Variants in HSDL2 observed in about 807,000 individuals in gnomAD.
HSDL2 encodes hydroxysteroid dehydrogenase-like protein 2.
Under a neutral mutation model 46.3 loss-of-function variants are expected in HSDL2, and 27 were observed. That is an observed-to-expected ratio of 0.58 (90% CI 0.43 to 0.80). The LOEUF is 0.80. Among genes scored for constraint, HSDL2 ranks in the 30% least tolerant of loss-of-function variants. HSDL2 has a pLI of 0.00. For missense variants in HSDL2, 451 were observed against 502.7 expected (o/e 0.90, Z 0.98); for synonymous variants, 153 against 163.6 (o/e 0.94, Z 0.50).
At chr9:112,413,427 A>G (rs1432897500) in intron 4 of HSDL2, among the ~76,000 whole-genome samples, 2 of 152,158 alleles carry the variant, frequency 1.3e-5, no homozygotes, top group Non-Finnish European at 2.9e-5. Flanking sequence ...CGGTGAACCA[A>G]GATCACGCCA....
At chr9:112,398,251 A>G (rs533147527) in intron 1 of HSDL2, among the ~76,000 whole-genome samples, 1 of 152,088 alleles carries the variant, frequency 6.6e-6, no homozygotes, top group South Asian at 2.1e-4. Context: ...AAAGTGACCA[A>G]ATGAGGGACC....
intron 1 of HSDL2, among the ~76,000 whole-genome samples, chr9:112,395,008 CAG>C (rs1053233987): frequency 1.3e-5 from 2 of 152,124 alleles, no homozygotes; most frequent in Non-Finnish European, 2.9e-5. Context: ...ACTGGTGAGA[CAG>C]AAAGTGTAAG....
In HSDL2 at chr9:112,425,951, G is replaced by C. The variant is rs1295997938; in HGVS notation, c.598+6993G>C. 3.9e-5 allele frequency among the ~76,000 whole-genome samples: 6 copies of C among 152,160 alleles called. No individual in the cohort carries two copies. The East Asian group carries it at 1.2e-3, about 29-fold the overall frequency. On this transcript the variant is annotated intron_variant, in intron 6 of 10. Transcript: ENST00000398805. The stretch of plus-strand genomic sequence containing the variant: ...AGATGGGGTCTTGCCATGTTATTCA[G>C]GCTGGTCTCGAACTCCTGGGCTCAG...
intron 1 of HSDL2, among the ~76,000 whole-genome samples, chr9:112,402,336 C>A: frequency 6.6e-6 from 1 of 151,996 alleles, no homozygotes; most frequent in Non-Finnish European, 1.5e-5. Flanking sequence ...GTGGGAGGAT[C>A]ACATAAGGCC....
At chr9:112,417,477 T>TA (rs71491043) in intron 5 of HSDL2, among the ~76,000 whole-genome samples, 1,463 of 111,006 alleles carry the variant, frequency 0.013, 15 homozygotes, top group African/African-American at 0.039. Context: ...ACCCTGACTC[T>TA]AAAAAAAAAA....
intron 5 of HSDL2, among the ~76,000 whole-genome samples, chr9:112,417,797 T>A (rs928014973): frequency 6.2e-5 from 9 of 145,324 alleles, no homozygotes; most frequent in Non-Finnish European, 1.4e-4. Context: ...AAAAAAAAAG[T>A]CCAGGCATGG....
chr9:112,390,449 C>T (rs1424366540), intron 1 of HSDL2, among the ~76,000 whole-genome samples: 2 of 152,004 alleles, frequency 1.3e-5, no homozygotes, highest in African/African-American at 4.8e-5. Context: ...GATTAAAGAC[C>T]AAACTTATTA....
In HSDL2 at chr9:112,396,576, G is replaced by A. The variant is rs148776151; in HGVS notation, c.18-7419G>A. 8.4e-3 allele frequency among the ~76,000 whole-genome samples: 1,276 copies of A among 152,264 alleles called. 7 individuals are homozygous for A. Among genetic ancestry groups the A allele is most frequent in the Middle Eastern group, 0.034 (10 of 294 alleles). ...TGGAATGGAAACAGGAACCTTGGCAGACACCATAAGTTTATTCTCATTAGA... is the reference window on the plus strand; with the variant it reads ...TGGAATGGAAACAGGAACCTTGGCAAACACCATAAGTTTATTCTCATTAGA... On this transcript the variant is annotated intron_variant, in intron 1 of 10. Coordinates refer to ENST00000398805, the MANE Select transcript of HSDL2 (RefSeq NM_032303.5).
chr9:112,402,452 T>C (rs916743742), intron 1 of HSDL2, among the ~76,000 whole-genome samples: 2 of 149,554 alleles, frequency 1.3e-5, no homozygotes, highest in Non-Finnish European at 3.0e-5. Flanking sequence ...CAGCTACTTG[T>C]GAGGCTGAGA....
intron 8 of HSDL2, 62 bp from the exon 9 acceptor site, chr9:112,453,951 A>C: frequency 3.3e-6 from 4 of 1,205,322 alleles, no homozygotes; most frequent in Non-Finnish European, 4.6e-6. Flanking sequence ...TGATTAATTA[A>C]TTCTGTGTGG....
chr9:112,436,960 C>CTTT (rs780957603), intron 6 of HSDL2, among the ~76,000 whole-genome samples: 56,207 of 126,256 alleles, frequency 0.45, 12,323 homozygotes, highest in South Asian at 0.5. Context: ...TTCTTTTTTT[C>CTTT]TTTTTTTTTT....
intron 1 of HSDL2, among the ~76,000 whole-genome samples, chr9:112,392,442 C>T (rs1051832886): frequency 1.3e-5 from 2 of 152,170 alleles, no homozygotes; most frequent in African/African-American, 4.8e-5. Flanking sequence ...GAGACCAGAG[C>T]GTATCTCACT....
At chr9:112,453,300 T>A (rs566878549) in intron 8 of HSDL2, among the ~76,000 whole-genome samples, 1 of 152,350 alleles carries the variant, frequency 6.6e-6, no homozygotes, top group Admixed American at 6.5e-5. Context: ...CCAATGTCTT[T>A]TTGTTCTCAT....
chr9:112,414,104 C>T (rs931442060), intron 4 of HSDL2: 53 of 161,018 alleles, frequency 3.3e-4, no homozygotes, highest in Non-Finnish European at 6.3e-4. Flanking sequence ...CCAGTATATG[C>T]ATGCCAGGGC....
At chr9:112,411,826 T>C (rs1262598998) in intron 4 of HSDL2, among the ~76,000 whole-genome samples, 1 of 152,224 alleles carries the variant, frequency 6.6e-6, no homozygotes, top group Admixed American at 6.5e-5. Flanking sequence ...AAAAATATTT[T>C]ACAGCTGGCA....
chr9:112,398,176 C>A (rs555505589), intron 1 of HSDL2, among the ~76,000 whole-genome samples: 1 of 152,120 alleles, frequency 6.6e-6, no homozygotes, highest in South Asian at 2.1e-4. Flanking sequence ...CAATCCTGTG[C>A]AACCAGAGTG....
At chr9:112,437,722 G>C (rs1476606453) in intron 6 of HSDL2, among the ~76,000 whole-genome samples, 7 of 152,118 alleles carry the variant, frequency 4.6e-5, no homozygotes, top group African/African-American at 1.7e-4. Flanking sequence ...TAAGACTGTT[G>C]GTACTGTCTG....
chr9:112,392,757 C>T (rs1014097333), intron 1 of HSDL2, among the ~76,000 whole-genome samples: 1 of 152,114 alleles, frequency 6.6e-6, no homozygotes, highest in African/African-American at 2.4e-5. Context: ...TTCAAACACA[C>T]GTTTTACAAT....
intron 6 of HSDL2, among the ~76,000 whole-genome samples, chr9:112,423,518 C>G (rs897063249): frequency 6.6e-6 from 1 of 151,878 alleles, no homozygotes; most frequent in African/African-American, 2.4e-5. Flanking sequence ...CCATGTTGGC[C>G]AGGCAGGTCC....
Sources: allele counts gnomAD v4.1 joint callset (sites outside exome capture counted in the v4.1 genomes callset), GRCh38; gene constraint gnomAD v4.1.1; transcripts MANE v1.5; gene names NCBI Gene and HGNC (gene_info 2026-07-23, HGNC 2026-07-21).